The following TRMT9B variants were observed in gnomAD, a reference collection of about 807,000 sequenced individuals.
TRMT9B encodes probable tRNA methyltransferase 9B.
TRMT9B carries 16 observed loss-of-function variants against 11.5 expected under a neutral mutation model. That is an observed-to-expected ratio of 1.39 (90% confidence interval 0.94 to 2.11). TRMT9B has a LOEUF of 2.11. Ranked by LOEUF, TRMT9B falls within the 30% of genes most tolerant of loss-of-function variation. The pLI, the probability that TRMT9B is intolerant of heterozygous loss-of-function variation, is 0.00. For synonymous variants in TRMT9B, 274 were observed against 192.4 expected (o/e 1.42, Z -3.51); for missense variants, 941 against 553.8 (o/e 1.70, Z -7.02).
intron 1 of TRMT9B, chr8:12,958,800 T>A (rs1395421726): frequency 6.6e-6 from 1 of 152,198 alleles, no homozygotes; most frequent in African/African-American, 2.4e-5. Context: ...TGTGGGGACA[T>A]GGATGAAGCT....
At position 13,000,685 on chromosome 8, in the gene TRMT9B, A is replaced by G. The variant is rs529903947; in HGVS notation, c.-1-5517A>G. 1.4e-4 allele frequency among the ~76,000 whole-genome samples: 21 copies of G among 152,326 alleles called. 1 individual carries two copies. Among genetic ancestry groups the G allele is most frequent in the South Asian group, 1.2e-3 (6 of 4,828 alleles). ...TTTAAGGTTACCTCGTAAGCTTTAC[A>G]AGTTGCTTGAAAAGTAGCAATAAAG... On this transcript the variant is annotated intron_variant, in intron 2 of 4. Coordinates refer to ENST00000524591, the MANE Select transcript of TRMT9B (RefSeq NM_020844.3).
chr8:13,009,924 C>G (rs1158400458), intron 3 of TRMT9B, among the ~76,000 whole-genome samples: 1 of 151,996 alleles, frequency 6.6e-6, no homozygotes, highest in Non-Finnish European at 1.5e-5. Context: ...CTCAGGAGTT[C>G]GAGACCAGCC....
At chr8:13,005,319 G>T (rs966671516) in intron 2 of TRMT9B, among the ~76,000 whole-genome samples, 1 of 152,056 alleles carries the variant, frequency 6.6e-6, no homozygotes, top group Non-Finnish European at 1.5e-5. Flanking sequence ...GGAGGGAAGT[G>T]GAGATTGTTA....
chr8:12,982,677 A>G (rs997134086), intron 1 of TRMT9B, among the ~76,000 whole-genome samples: 21 of 151,950 alleles, frequency 1.4e-4, no homozygotes, highest in African/African-American at 4.6e-4. Flanking sequence ...AAAAAAAATC[A>G]TAATCAGAGT....
At position 13,027,824 on chromosome 8, in the gene TRMT9B, C is replaced by T. The variant is rs1462448539; in HGVS notation, c.*5780C>T. 1 of 167,044 alleles carries T rather than the reference C, an allele frequency of 6.0e-6. No homozygotes were observed. Among genetic ancestry groups the T allele is most frequent in the Non-Finnish European group, 1.5e-5 (1 of 68,126 alleles). The allele number at this position is 167,044 out of a possible 1,614,324, so 10.3% of individuals were successfully genotyped here. On this transcript the variant is annotated 3_prime_UTR_variant, in exon 5 of 5. Coordinates refer to ENST00000524591, the MANE Select transcript of TRMT9B (RefSeq NM_020844.3). Reference sequence around the variant, plus strand: ...GAGGGAATCAAGAAGCATTAACAGACCCTCCACCAACCGTAATGCTTAACT... The same window carrying T: ...GAGGGAATCAAGAAGCATTAACAGATCCTCCACCAACCGTAATGCTTAACT...
chr8:12,990,600 T>C (rs919164279), intron 1 of TRMT9B, among the ~76,000 whole-genome samples: 2 of 152,210 alleles, frequency 1.3e-5, no homozygotes, highest in Non-Finnish European at 2.9e-5. Flanking sequence ...AATCATTCAA[T>C]TTAATTTTAG....
At chr8:12,947,722 C>G (rs1800332456) in intron 1 of TRMT9B, among the ~76,000 whole-genome samples, 1 of 152,190 alleles carries the variant, frequency 6.6e-6, no homozygotes, top group Non-Finnish European at 1.5e-5. Context: ...ACTTAAATGC[C>G]ATAACTTAAG....
chr8:13,013,005 C>G (rs2128895143), intron 4 of TRMT9B, 148 bp downstream of exon 4: 1 of 1,024,854 alleles, frequency 9.8e-7, no homozygotes, highest in Non-Finnish European at 1.3e-6. Context: ...AACTACTTGA[C>G]TGATTTGACT....
At chr8:13,005,828 C>G (rs887692330) in intron 2 of TRMT9B, among the ~76,000 whole-genome samples, 2 of 152,144 alleles carry the variant, frequency 1.3e-5, no homozygotes, top group Non-Finnish European at 2.9e-5. Context: ...GGTGAGCTAC[C>G]TGTTATGAAA....
chr8:12,975,932 T>C (rs1804376782), intron 1 of TRMT9B, among the ~76,000 whole-genome samples: 1 of 151,988 alleles, frequency 6.6e-6, no homozygotes, highest in Non-Finnish European at 1.5e-5. Flanking sequence ...TAAACAAGCA[T>C]CAACAAATGA....
intron 1 of TRMT9B, among the ~76,000 whole-genome samples, chr8:12,990,414 G>A (rs1313314301): frequency 2.0e-5 from 3 of 152,124 alleles, no homozygotes; most frequent in East Asian, 1.9e-4. Flanking sequence ...ATAACTACGA[G>A]TACTTATCAA....
intron 1 of TRMT9B, among the ~76,000 whole-genome samples, chr8:12,989,698 G>A (rs1318489768): frequency 2.6e-5 from 4 of 152,170 alleles, no homozygotes; most frequent in South Asian, 2.1e-4. Flanking sequence ...GGGTAAGTCC[G>A]AACAGAGAAT....
chr8:13,012,045 G>C (rs948325629), intron 3 of TRMT9B: 1 of 985,224 alleles, frequency 1.0e-6, no homozygotes, highest in East Asian at 1.1e-4. Context: ...GAGGCTACAC[G>C]TGGTCTCTCG....
chr8:13,016,736 C>G (rs1360236940), intron 4 of TRMT9B, among the ~76,000 whole-genome samples: 2 of 151,460 alleles, frequency 1.3e-5, no homozygotes, highest in Non-Finnish European at 2.9e-5. Context: ...TGCTTCTCAA[C>G]TGGGGGTTAC....
At position 13,021,539 on chromosome 8, in the gene TRMT9B, C is replaced by G. The variant is rs750286091; in HGVS notation, c.860C>G (p.Ser287Cys). Residue 287 changes from serine to cysteine, a missense_variant, in exon 5 of 5, where the codon TCC (serine) becomes TGC (cysteine). Transcript: ENST00000524591. ...WASSTVTVQP[S>C]RHSSLDFDHQ... ...AGTAGCACTGTAACAGTCCAGCCTTCCAGACACTCTAGTTTAGACTTTGAT... is the reference window on the plus strand; with the variant it reads ...AGTAGCACTGTAACAGTCCAGCCTTGCAGACACTCTAGTTTAGACTTTGAT... 8.7e-6 allele frequency: 14 copies of G among 1,613,724 alleles called. No individual in the cohort carries two copies. Among genetic ancestry groups the G allele is most frequent in the Admixed American group, 1.7e-5 (1 of 59,998 alleles).
At chr8:13,002,279 G>C (rs1355722013) in intron 2 of TRMT9B, among the ~76,000 whole-genome samples, 2 of 152,238 alleles carry the variant, frequency 1.3e-5, no homozygotes, top group South Asian at 2.1e-4. Context: ...ACATTTCCAA[G>C]TGCAACAAAG....
chr8:13,000,219 T>A (rs1160365092), intron 2 of TRMT9B, among the ~76,000 whole-genome samples: 2 of 152,196 alleles, frequency 1.3e-5, no homozygotes, highest in African/African-American at 2.4e-5. Flanking sequence ...AGATGACGTT[T>A]ATGCCATAGC....
Position 12,947,365 on chromosome 8 carries a change from C to T in TRMT9B, c.-200+1399C>T, listed in dbSNP as rs117831877. Among the ~76,000 whole-genome samples the T allele has an allele frequency of 5.8e-4, 88 of 152,224 alleles. 1 individual carries two copies. The East Asian group carries it at 0.016, about 27-fold the overall frequency. On this transcript the variant is annotated intron_variant, in intron 1 of 4. Coordinates refer to ENST00000524591, the MANE Select transcript of TRMT9B (RefSeq NM_020844.3). ...TCAAGATGTTATCATGCTAAACTAGCTAAAACCACTAAAAAAATATGGGAT... is the reference window on the plus strand; with the variant it reads ...TCAAGATGTTATCATGCTAAACTAGTTAAAACCACTAAAAAAATATGGGAT...
intron 3 of TRMT9B, chr8:13,011,916 A>G (rs1482189177): frequency 6.1e-6 from 6 of 985,174 alleles, no homozygotes; most frequent in Non-Finnish European, 1.2e-6. Context: ...AAATAATAGA[A>G]AAGTTGTTGA....
Sources: allele counts gnomAD v4.1 joint callset (sites outside exome capture counted in the v4.1 genomes callset), GRCh38; gene constraint gnomAD v4.1.1; transcripts MANE v1.5; gene names NCBI Gene and HGNC (gene_info 2026-07-23, HGNC 2026-07-21).